The following VAT1L variants were observed in gnomAD, a reference collection of about 807,000 sequenced individuals.
VAT1L encodes the protein vesicle amine transport 1 like.
VAT1L carries 34 observed loss-of-function variants against 44.1 expected under a neutral mutation model. The ratio of observed to expected loss-of-function variants is 0.77; its 90% CI spans 0.59 to 1.03. VAT1L has a LOEUF of 1.03. Among genes scored for constraint, VAT1L ranks in the 50% least tolerant of loss-of-function variants. The probability of loss-of-function intolerance (pLI) is 0.00; values close to 1 mark genes in which losing one functional copy is unlikely to be tolerated. For missense variants in VAT1L, 615 were observed against 538.8 expected (o/e 1.14, Z -1.40); for synonymous variants, 253 against 202.2 (o/e 1.25, Z -2.13).
intron 1 of VAT1L, among the ~76,000 whole-genome samples, chr16:77,810,119 C>T (rs183483520): frequency 3.3e-5 from 5 of 152,320 alleles, no homozygotes; most frequent in African/African-American, 9.6e-5. Flanking sequence ...AAAAATTCAA[C>T]TGCCCTAGAG....
chr16:77,824,943 T>G (rs547724494), intron 2 of VAT1L, among the ~76,000 whole-genome samples: 10 of 138,612 alleles, frequency 7.2e-5, no homozygotes, highest in African/African-American at 2.1e-4. Context: ...CTCAGCTCAC[T>G]GCAACCTCCG....
Position 77,884,885 on chromosome 16 carries a change from A to G in VAT1L, c.1077+83A>G. On this transcript the variant is annotated intron_variant, in intron 7 of 8. Transcript: ENST00000302536. This position sits in a 1 kb window ranked among gnomAD's most constrained non-coding sequence, Gnocchi z 4.5. ...GGGCAGCCAAATACAATCTTCTACT[A>G]AATGATTTTTTTCCCAGATGGGTTT... The G allele has an allele frequency of 1.4e-6, 2 of 1,381,090 alleles. No homozygotes were observed. The highest frequency in any genetic ancestry group is 1.9e-6 in the Non-Finnish European group (2 of 1,054,178). The allele number at this position is 1,381,090 out of a possible 1,614,324, so 85.6% of individuals were successfully genotyped here. A position where few individuals can be genotyped will look rare whatever the true frequency, so the allele number is the denominator to read the frequency against.
At position 77,884,731 on chromosome 16, in the gene VAT1L, GA is replaced by G; in HGVS notation, c.1011del (p.Lys337AsnfsTer3). 2 of 1,604,286 alleles carry G rather than the reference GA, an allele frequency of 1.2e-6. No individual in the cohort carries two copies. The highest frequency in any genetic ancestry group is 8.5e-7 in the Non-Finnish European group (1 of 1,175,432). ...GRAGLIRGVV[E>X]KLIGLYNQKK... ...GGCGGGCCTCATTCGGGGAGTGGTG[GA>G]AAAACTCATAGGGCTCTACAACCAG... On this transcript the variant is annotated frameshift_variant, in exon 7 of 9. Transcript: ENST00000302536. LOFTEE classifies it high-confidence loss of function. This position sits in a 1 kb window ranked among gnomAD's most constrained non-coding sequence, Gnocchi z 4.5.
At chr16:77,835,608 C>T (rs767086376) in intron 3 of VAT1L, among the ~76,000 whole-genome samples, 2 of 152,182 alleles carry the variant, frequency 1.3e-5, no homozygotes, top group African/African-American at 2.4e-5. Context: ...TGTGGTCGCT[C>T]ACACCTGTAA....
At chr16:77,900,401 T>C (rs1489955402) in intron 7 of VAT1L, among the ~76,000 whole-genome samples, 5 of 151,128 alleles carry the variant, frequency 3.3e-5, no homozygotes, top group Non-Finnish European at 7.4e-5. Flanking sequence ...ATTTAGAAAA[T>C]AGGAAAAAAG....
chr16:77,909,458 G>A (rs541563223), intron 7 of VAT1L, among the ~76,000 whole-genome samples: 1 of 152,048 alleles, frequency 6.6e-6, no homozygotes, highest in South Asian at 2.1e-4. Flanking sequence ...CCAACATGGT[G>A]AAACCCTGTC....
chr16:77,894,161 C>G (rs2017297281), intron 7 of VAT1L, among the ~76,000 whole-genome samples: 1 of 152,162 alleles, frequency 6.6e-6, no homozygotes, highest in Non-Finnish European at 1.5e-5. Flanking sequence ...CCCTACAACC[C>G]CCGCTTTATT....
At chr16:77,973,837 C>G (rs1410560069) in intron 8 of VAT1L, among the ~76,000 whole-genome samples, 1 of 151,924 alleles carries the variant, frequency 6.6e-6, no homozygotes, top group Non-Finnish European at 1.5e-5. Context: ...GCCACTCTAC[C>G]GCCTCAGCCT....
At chr16:77,897,339 CA>C (rs756104163) in intron 7 of VAT1L, among the ~76,000 whole-genome samples, 3 of 152,146 alleles carry the variant, frequency 2.0e-5, no homozygotes, top group Admixed American at 6.5e-5. Context: ...GATTATTGTG[CA>C]ATCAACTGAG....
intron 7 of VAT1L, among the ~76,000 whole-genome samples, chr16:77,951,733 A>G (rs923257276): frequency 4.6e-5 from 7 of 152,122 alleles, no homozygotes; most frequent in African/African-American, 1.4e-4. Context: ...AGATTAGCAC[A>G]AGGGACACAG....
intron 7 of VAT1L, among the ~76,000 whole-genome samples, chr16:77,919,649 G>A (rs775515061): frequency 2.6e-5 from 4 of 152,102 alleles, no homozygotes; most frequent in Non-Finnish European, 5.9e-5. Flanking sequence ...TGATAGAGAA[G>A]GACAAAGAAA....
chr16:77,926,248 G>A (rs552233998), intron 7 of VAT1L, among the ~76,000 whole-genome samples: 215 of 119,272 alleles, frequency 1.8e-3, no homozygotes, highest in Non-Finnish European at 1.9e-3. Context: ...GTGAGACTCC[G>A]TCTCAAAGTA....
At chr16:77,850,551 T>C (rs1023313058) in intron 3 of VAT1L, among the ~76,000 whole-genome samples, 1 of 152,174 alleles carries the variant, frequency 6.6e-6, no homozygotes, top group South Asian at 2.1e-4. Context: ...GAATTAATAA[T>C]AGCATCCCCT....
At chr16:77,927,352 A>C (rs11639718) in intron 7 of VAT1L, among the ~76,000 whole-genome samples, 21,444 of 150,254 alleles carry the variant, frequency 0.14, 1,741 homozygotes, top group East Asian at 0.34. Flanking sequence ...AAAAAAAAAA[A>C]CACTGTTGGG....
intron 4 of VAT1L, among the ~76,000 whole-genome samples, chr16:77,875,340 T>C (rs996263739): frequency 2.6e-5 from 4 of 152,232 alleles, no homozygotes; most frequent in Non-Finnish European, 5.9e-5. Context: ...TGTTAACACA[T>C]GCTGCAATGC....
chr16:77,942,843 C>G (rs1034272604), intron 7 of VAT1L, among the ~76,000 whole-genome samples: 2 of 151,984 alleles, frequency 1.3e-5, no homozygotes, highest in African/African-American at 4.8e-5. Context: ...CTCCCGGGTT[C>G]AAGCGATTAT....
intron 7 of VAT1L, among the ~76,000 whole-genome samples, chr16:77,951,998 G>GA (rs1304820074): frequency 3.3e-5 from 5 of 152,122 alleles, no homozygotes; most frequent in African/African-American, 7.2e-5. Context: ...GACGTTTCAG[G>GA]AAGAAGGCAG....
At chr16:77,867,294 T>C (rs1301782618) in intron 4 of VAT1L, among the ~76,000 whole-genome samples, 1 of 152,208 alleles carries the variant, frequency 6.6e-6, no homozygotes, top group Non-Finnish European at 1.5e-5. Flanking sequence ...GGTGTGAACA[T>C]ATTTAATCTC....
chr16:77,907,037 G>A (rs1330592714), intron 7 of VAT1L, among the ~76,000 whole-genome samples: 1 of 152,176 alleles, frequency 6.6e-6, no homozygotes, highest in African/African-American at 2.4e-5. Context: ...CCCAATTAGA[G>A]GTCTACACAG....
Sources: allele counts gnomAD v4.1 joint callset (sites outside exome capture counted in the v4.1 genomes callset), GRCh38; gene constraint gnomAD v4.1.1; non-coding constraint Gnocchi (gnomAD v3.1); transcripts MANE v1.5; gene names NCBI Gene and HGNC (gene_info 2026-07-23, HGNC 2026-07-21).